THUMPD3: variants seen among roughly 807,000 people sequenced by gnomAD.
THUMPD3 encodes the protein THUMP domain 3 tRNA guanosine methyltransferase, also known as tRNA (guanine(6)-N(2))-methyltransferase THUMP3.
Under a neutral mutation model 54.5 loss-of-function variants are expected in THUMPD3, and 44 were observed. That is an observed-to-expected ratio of 0.81 (90% confidence interval 0.63 to 1.04). The LOEUF (loss-of-function observed/expected upper bound fraction) is 1.04. Ranked by LOEUF, THUMPD3 falls within the 50% of genes least tolerant of loss-of-function variation. The pLI is 0.00. For missense variants in THUMPD3, 604 were observed against 601.3 expected (o/e 1.00, Z -0.05); for synonymous variants, 196 against 201.4 (o/e 0.97, Z 0.23).
chr3:9,371,070 T>G lies in THUMPD3; in HGVS notation c.341T>G (p.Leu114Arg). 1 of 1,566,718 alleles carries G rather than the reference T, an allele frequency of 6.4e-7. No homozygotes were observed. Among genetic ancestry groups the G allele is most frequent in the East Asian group, 2.2e-5 (1 of 44,652 alleles). ...YQFKQTKEEV[L>R]KDFEDLAGKL... ...CTCTGTCCTTTACAGGAAGAAGTTC[T>G]AAAGGATTTTGAAGACTTGGCTGGA... Residue 114 changes from leucine to arginine, a missense_variant, in exon 4 of 10, where the codon CTA becomes CGA. Physicochemically the swap from Leu to Arg is moderately radical, Grantham distance 102 (BLOSUM62 -2). Transcript: ENST00000452837.
chr3:9,386,523 A>G lies in THUMPD3; in HGVS notation c.*1835A>G, dbSNP rs1489634696. On this transcript the variant is annotated 3_prime_UTR_variant, in exon 10 of 10. Coordinates refer to ENST00000452837, the MANE Select transcript of THUMPD3 (RefSeq NM_001114092.2). ...CTTGATTCATCATAGCTTTAATTCT[A>G]TTACATACTACAATAAAAATTTGAC... 1 of 152,132 alleles carries G rather than the reference A, an allele frequency of 6.6e-6. No homozygotes were observed. Among genetic ancestry groups the G allele is most frequent in the Non-Finnish European group, 1.5e-5 (1 of 68,032 alleles). 9.4% of individuals were successfully genotyped at this position (152,132 alleles called of 1,614,324 possible).
chr3:9,372,907 T>G (rs2032173208), intron 4 of THUMPD3, among the ~76,000 whole-genome samples: 1 of 152,156 alleles, frequency 6.6e-6, no homozygotes, highest in Non-Finnish European at 1.5e-5. Context: ...AACTTTTTTG[T>G]GCATGTCAAA....
intron 5 of THUMPD3, among the ~76,000 whole-genome samples, chr3:9,375,667 A>G (rs1301969334): frequency 6.6e-6 from 1 of 152,228 alleles, no homozygotes; most frequent in African/African-American, 2.4e-5. Flanking sequence ...TACATTCTGA[A>G]AAATGTGTCA....
chr3:9,371,761 T>G (rs1355871988), intron 4 of THUMPD3, among the ~76,000 whole-genome samples: 1 of 152,250 alleles, frequency 6.6e-6, no homozygotes, highest in Non-Finnish European at 1.5e-5. Flanking sequence ...GCCAATAATA[T>G]TATGTACCTT....
intron 8 of THUMPD3, 109 bp downstream of exon 8, chr3:9,383,418 T>G (rs1380186195): frequency 2.7e-6 from 2 of 736,500 alleles, no homozygotes; most frequent in Non-Finnish European, 4.6e-6. Flanking sequence ...GCAGAGCTGT[T>G]TTTCACTTAA....
chr3:9,372,968 A>G (rs966923890), intron 4 of THUMPD3, among the ~76,000 whole-genome samples: 2 of 152,238 alleles, frequency 1.3e-5, no homozygotes, highest in African/African-American at 4.8e-5. Flanking sequence ...TGCCTTGCAA[A>G]TGAATACGTG....
chr3:9,377,847 A>G lies in THUMPD3; in HGVS notation c.967A>G (p.Ile323Val). ...RLCDPLPYDIIVDPMCGTGAI... is the reference protein window; with the variant it reads ...RLCDPLPYDIVVDPMCGTGAI... Reference sequence around the variant, plus strand: ...CTGTGATCCTCTACCTTATGATATAATAGTCGATCCAATGTGTGGAACTGG... The same window carrying G: ...CTGTGATCCTCTACCTTATGATATAGTAGTCGATCCAATGTGTGGAACTGG... The change falls in exon 6 of 10, where the codon ATA becomes GTA. Residue 323 changes from isoleucine to valine, a missense_variant. Ile to Val is a conservative substitution (Grantham distance 29). Coordinates refer to ENST00000452837, the MANE Select transcript of THUMPD3 (RefSeq NM_001114092.2). 6 of 1,613,736 alleles carry G rather than the reference A, an allele frequency of 3.7e-6. No homozygotes were observed. Among genetic ancestry groups the G allele is most frequent in the Non-Finnish European group, 5.1e-6 (6 of 1,179,734 alleles).
chr3:9,383,208 C>T lies in THUMPD3; in HGVS notation c.1134C>T (p.Ser378=). The part of the protein sequence containing the change: ...TKSQIKEGKP[S]WGLPIDAVQW... Reference sequence around the variant, plus strand: ...TCCTTTGTCCCCACAGCAAACCCTCCTGGGGCTTGCCCATAGATGCTGTTC... The same window carrying T: ...TCCTTTGTCCCCACAGCAAACCCTCTTGGGGCTTGCCCATAGATGCTGTTC... The change falls in exon 8 of 10, where the codon TCC becomes TCT. Residue 378 remains serine, a synonymous_variant. Transcript: ENST00000452837. 1.2e-6 allele frequency: 2 copies of T among 1,613,376 alleles called. No individual in the cohort carries two copies. Among genetic ancestry groups the T allele is most frequent in the Non-Finnish European group, 1.7e-6 (2 of 1,179,308 alleles).
chr3:9,382,499 G>C (rs906071746), intron 7 of THUMPD3, among the ~76,000 whole-genome samples: 8 of 151,716 alleles, frequency 5.3e-5, no homozygotes, highest in Non-Finnish European at 1.5e-5. Context: ...CTATATATTT[G>C]CCAATTTTAC....
intron 3 of THUMPD3, among the ~76,000 whole-genome samples, chr3:9,370,364 T>C (rs563686518): frequency 4.6e-5 from 7 of 152,370 alleles, no homozygotes; most frequent in South Asian, 2.1e-4. Context: ...CACCTTTATA[T>C]TTGGCTGATA....
intron 4 of THUMPD3, 65 bp from the exon 5 acceptor site, chr3:9,374,451 G>A (rs2125321266): frequency 1.3e-6 from 2 of 1,583,952 alleles, no homozygotes; most frequent in Middle Eastern, 1.7e-4. Context: ...GGTCAGAAAA[G>A]TCTTATTACT....
At chr3:9,374,213 A>G (rs1210075210) in intron 4 of THUMPD3, among the ~76,000 whole-genome samples, 3 of 152,036 alleles carry the variant, frequency 2.0e-5, no homozygotes, top group Non-Finnish European at 2.9e-5. Context: ...TTAATTCACT[A>G]TGTTTATTGG....
At chr3:9,384,169 G>T (rs1035540608) in intron 8 of THUMPD3, 43 bp from the exon 9 acceptor site, 1 of 1,600,198 alleles carries the variant, frequency 6.2e-7, no homozygotes, top group Non-Finnish European at 8.5e-7. Flanking sequence ...CTTCTATTTT[G>T]TATCTTTTGC....
chr3:9,372,472 G>A (rs941538543), intron 4 of THUMPD3, among the ~76,000 whole-genome samples: 1 of 151,944 alleles, frequency 6.6e-6, no homozygotes, highest in African/African-American at 2.4e-5. Flanking sequence ...CCCAGCTACT[G>A]GGGAGGCTGA....
At chr3:9,379,152 T>G (rs1274386390) in intron 6 of THUMPD3, among the ~76,000 whole-genome samples, 1 of 151,884 alleles carries the variant, frequency 6.6e-6, no homozygotes, top group South Asian at 2.1e-4. Context: ...TTTTTTTTAA[T>G]TTAGAAGTGT....
intron 2 of THUMPD3, among the ~76,000 whole-genome samples, chr3:9,365,615 C>CA (rs911203194): frequency 4.7e-5 from 7 of 150,272 alleles, no homozygotes; most frequent in African/African-American, 1.7e-4. Context: ...TTCTTTGAGA[C>CA]AGAGTCTTGC....
At chr3:9,368,459 T>A (rs911857865) in intron 3 of THUMPD3, among the ~76,000 whole-genome samples, 1 of 148,590 alleles carries the variant, frequency 6.7e-6, no homozygotes, top group Non-Finnish European at 1.5e-5. Flanking sequence ...GCCACCTGGG[T>A]TCAAGCGATT....
chr3:9,380,846 C>G (rs187305215), intron 7 of THUMPD3: 1 of 353,412 alleles, frequency 2.8e-6, no homozygotes, highest in Non-Finnish European at 5.1e-6. Context: ...TTGTCTTATT[C>G]ATATGTCTTT....
At chr3:9,368,358 ATAT>A (rs1462963200) in intron 3 of THUMPD3, among the ~76,000 whole-genome samples, 3 of 76,034 alleles carry the variant, frequency 3.9e-5, no homozygotes, top group African/African-American at 1.2e-4. Flanking sequence ...CCACCCGCGC[ATAT>A]TTTTTTTTTT....
Sources: gnomAD v4.1 joint callset for allele counts (sites outside exome capture counted in the v4.1 genomes callset) on GRCh38, gnomAD v4.1.1 for gene constraint, MANE v1.5 for transcripts, NCBI Gene and HGNC (gene_info 2026-07-23, HGNC 2026-07-21) for gene names.